Variants in PDZRN3 observed in about 807,000 individuals in gnomAD.
The protein encoded by PDZRN3 is PDZ domain containing ring finger 3, also known as E3 ubiquitin-protein ligase PDZRN3.
In PDZRN3, 38 loss-of-function variants were observed where a neutral mutation model predicts 85.7. The ratio of observed to expected loss-of-function variants is 0.44; its 90% CI spans 0.34 to 0.58. The LOEUF (loss-of-function observed/expected upper bound fraction) is 0.58, where lower values mean the gene tolerates loss of function less well. PDZRN3 is among the 20% of genes least tolerant of loss of function. The pLI is 0.01. For missense variants in PDZRN3, 1,629 were observed against 1,506.4 expected (o/e 1.08, Z -1.35); for synonymous variants, 759 against 638.0 (o/e 1.19, Z -2.86).
intron 3 of PDZRN3, among the ~76,000 whole-genome samples, chr3:73,545,484 G>A (rs1249061145): frequency 6.6e-6 from 1 of 152,162 alleles, no homozygotes; most frequent in African/African-American, 2.4e-5. Flanking sequence ...GGTTAAGATT[G>A]CTCAGAGATG....
At chr3:73,432,620 A>G (rs1452706940) in intron 3 of PDZRN3, among the ~76,000 whole-genome samples, 3 of 152,158 alleles carry the variant, frequency 2.0e-5, no homozygotes. Context: ...CTCTTTAAGC[A>G]TATCACCCCC....
intron 8 of PDZRN3, 138 bp downstream of exon 8, chr3:73,387,828 TCA>T: frequency 3.4e-6 from 2 of 593,652 alleles, no homozygotes; most frequent in Non-Finnish European, 6.0e-6. Flanking sequence ...GAATTCTGAA[TCA>T]CAGCAAGTTT....
intron 3 of PDZRN3, among the ~76,000 whole-genome samples, chr3:73,492,043 C>G (rs1364944449): frequency 1.3e-5 from 2 of 152,084 alleles, no homozygotes; most frequent in Non-Finnish European, 2.9e-5. Context: ...ACACACAGAC[C>G]ACTGAAAAGA....
intron 2 of PDZRN3, 74 bp downstream of exon 2, chr3:73,608,522 CTG>C: frequency 1.1e-6 from 1 of 949,578 alleles, no homozygotes; most frequent in South Asian, 1.4e-5. Flanking sequence ...CTGCTCCTCA[CTG>C]TCCCCTTCAA....
chr3:73,483,606 T>C (rs1001475402), intron 3 of PDZRN3, among the ~76,000 whole-genome samples: 1 of 152,188 alleles, frequency 6.6e-6, no homozygotes, highest in African/African-American at 2.4e-5. Context: ...GGAAGTGACA[T>C]AAATTAATTG....
At chr3:73,601,468 TG>T (rs1205636141) in intron 3 of PDZRN3, among the ~76,000 whole-genome samples, 3 of 152,208 alleles carry the variant, frequency 2.0e-5, no homozygotes, top group Non-Finnish European at 4.4e-5. Flanking sequence ...GAATTTCTTG[TG>T]GGGTCTGGCA....
intron 3 of PDZRN3, among the ~76,000 whole-genome samples, chr3:73,449,835 T>C (rs1219984282): frequency 6.6e-6 from 1 of 152,200 alleles, no homozygotes; most frequent in Non-Finnish European, 1.5e-5. Flanking sequence ...AATGCTTCAG[T>C]CTGGGGTGTA....
intron 3 of PDZRN3, among the ~76,000 whole-genome samples, chr3:73,451,363 A>C (rs181963241): frequency 1.3e-4 from 20 of 152,186 alleles, no homozygotes; most frequent in African/African-American, 4.3e-4. Flanking sequence ...GAGGATGAGG[A>C]GGAAAGTCTT....
intron 3 of PDZRN3, among the ~76,000 whole-genome samples, chr3:73,428,255 C>T (rs561491052): frequency 1.3e-5 from 2 of 152,224 alleles, no homozygotes; most frequent in South Asian, 2.1e-4. Context: ...CTTGGTGGGT[C>T]GGGTGAACGT....
intron 3 of PDZRN3, among the ~76,000 whole-genome samples, chr3:73,492,431 A>C (rs1703789123): frequency 6.6e-6 from 1 of 152,098 alleles, no homozygotes; most frequent in Middle Eastern, 3.4e-3. Context: ...TGAATTTATG[A>C]CCCTTGCCTT....
chr3:73,539,630 C>G (rs1704867905), intron 3 of PDZRN3, among the ~76,000 whole-genome samples: 2 of 152,062 alleles, frequency 1.3e-5, no homozygotes, highest in South Asian at 4.1e-4. Context: ...TGTCCAGCAC[C>G]AACTGCAAGA....
chr3:73,577,016 T>A (rs1374124313), intron 3 of PDZRN3, among the ~76,000 whole-genome samples: 1 of 152,242 alleles, frequency 6.6e-6, no homozygotes, highest in East Asian at 1.9e-4. Flanking sequence ...TGCAATGTGA[T>A]GTGATGTTTT....
rs574142250 is a variant in PDZRN3, at chr3:73,502,846, G to A, written c.919-98451C>T. Among the ~76,000 whole-genome samples the A allele has an allele frequency of 1.7e-4, 26 of 152,276 alleles. 1 individual carries two copies. The South Asian group carries it at 4.6e-3, about 27-fold the overall frequency. ...GCAGCCCTCCTCTCTCAGTTGAAAC[G>A]AATGATCAAGACGTGGTACCAGAGC... On this transcript the variant is annotated intron_variant, in intron 3 of 9. Coordinates refer to ENST00000263666, the MANE Select transcript of PDZRN3 (RefSeq NM_015009.3).
intron 3 of PDZRN3, among the ~76,000 whole-genome samples, chr3:73,462,812 C>T (rs1435529035): frequency 6.6e-6 from 1 of 152,188 alleles, no homozygotes. Context: ...CACATTAGCA[C>T]ATTTAACATT....
chr3:73,440,086 T>C (rs1224882679), intron 3 of PDZRN3, among the ~76,000 whole-genome samples: 2 of 152,056 alleles, frequency 1.3e-5, no homozygotes, highest in Admixed American at 6.6e-5. Flanking sequence ...GCCAAATTGA[T>C]TGAGGTGCCG....
At chr3:73,535,460 C>T (rs554111652) in intron 3 of PDZRN3, among the ~76,000 whole-genome samples, 11 of 152,266 alleles carry the variant, frequency 7.2e-5, no homozygotes, top group Admixed American at 5.2e-4. Context: ...GATACAAATG[C>T]CCAGTAACAG....
At position 73,391,093 on chromosome 3, in the gene PDZRN3, G is replaced by A. The variant is rs751849561; in HGVS notation, c.1278C>T (p.Asn426=). 7 of 1,613,400 alleles carry A rather than the reference G, an allele frequency of 4.3e-6. No individual in the cohort carries two copies. The highest frequency in any genetic ancestry group is 5.1e-6 in the Non-Finnish European group (6 of 1,179,348). The part of the protein sequence containing the change: ...ELEEVDLYRM[N]SQDKLGLTVC... ...CAGTGAGGCCCAGCTTGTCCTGGCT[G>A]TTCATTCTGTAGAGGTCCACTTCCT... The change falls in exon 6 of 10, where the codon AAC becomes AAT. Residue 426 remains asparagine, a synonymous_variant. Transcript: ENST00000263666.
At chr3:73,397,913 T>G (rs769248186) in intron 5 of PDZRN3, among the ~76,000 whole-genome samples, 1 of 152,192 alleles carries the variant, frequency 6.6e-6, no homozygotes, top group African/African-American at 2.4e-5. Flanking sequence ...TTATTCTGGT[T>G]GTTTAAGAAG....
chr3:73,429,909 CT>C (rs1194981401), intron 3 of PDZRN3, among the ~76,000 whole-genome samples: 1 of 152,180 alleles, frequency 6.6e-6, no homozygotes, highest in Non-Finnish European at 1.5e-5. Flanking sequence ...CCGTAGGAAC[CT>C]TTCTCAGGAG....
Sources: allele counts gnomAD v4.1 joint callset (sites outside exome capture counted in the v4.1 genomes callset), GRCh38; gene constraint gnomAD v4.1.1; transcripts MANE v1.5; gene names NCBI Gene and HGNC (gene_info 2026-07-23, HGNC 2026-07-21).